Variants in MAP4 observed in about 807,000 individuals in gnomAD.
MAP4 encodes the protein microtubule-associated protein 4.
A neutral mutation model predicts 170.2 loss-of-function variants in MAP4; 76 were observed. That is an observed-to-expected ratio of 0.45 (90% CI 0.37 to 0.54). The LOEUF (loss-of-function observed/expected upper bound fraction) is 0.54. MAP4 is among the 20% of genes least tolerant of loss of function. MAP4 has a pLI of 0.00. For missense variants in MAP4, 2,506 were observed against 2,748.0 expected, an observed-to-expected ratio of 0.91 and a Z score of 1.97; for synonymous variants, 909 against 994.5, an observed-to-expected ratio of 0.91 and a Z score of 1.62.
At chr3:48,001,049 C>A (rs1178921927) in intron 1 of MAP4, among the ~76,000 whole-genome samples, 5 of 152,172 alleles carry the variant, frequency 3.3e-5, no homozygotes, top group Non-Finnish European at 5.9e-5. Flanking sequence ...ACCCCCAATT[C>A]CCAAATCCAA....
At chr3:47,997,888 GA>G (rs2100096822) in intron 2 of MAP4, among the ~76,000 whole-genome samples, 1 of 152,090 alleles carries the variant, frequency 6.6e-6, no homozygotes, top group Admixed American at 6.6e-5. Flanking sequence ...GCTAACTTAA[GA>G]AACAGATAAC....
chr3:48,041,946 C>T (rs1167324402), intron 1 of MAP4, among the ~76,000 whole-genome samples: 2 of 152,172 alleles, frequency 1.3e-5, no homozygotes, highest in Non-Finnish European at 2.9e-5. Context: ...ACCCGAATTC[C>T]ACCAGGAGAG....
At chr3:47,900,676 C>T (rs1450096243) in intron 10 of MAP4, among the ~76,000 whole-genome samples, 1 of 152,106 alleles carries the variant, frequency 6.6e-6, no homozygotes, top group African/African-American at 2.4e-5. Context: ...GTGGAGATTA[C>T]AGTGAGCCGA....
chr3:47,887,666 G>C (rs919970264), intron 10 of MAP4, among the ~76,000 whole-genome samples: 2 of 152,270 alleles, frequency 1.3e-5, no homozygotes, highest in African/African-American at 4.8e-5. Flanking sequence ...AACCCAGCTG[G>C]GCTCCTGAGT....
intron 3 of MAP4, among the ~76,000 whole-genome samples, chr3:47,941,596 T>C (rs955733187): frequency 7.0e-6 from 1 of 142,150 alleles, no homozygotes; most frequent in Non-Finnish European, 1.5e-5. Flanking sequence ...GCTAACATAG[T>C]AAAACACAGT....
chr3:48,054,841 A>C (rs2100129885), intron 1 of MAP4, among the ~76,000 whole-genome samples: 1 of 151,902 alleles, frequency 6.6e-6, no homozygotes, highest in East Asian at 1.9e-4. Context: ...GCCCCAACAA[A>C]AGTCAGTCTT....
In MAP4 at chr3:47,916,307, G is replaced by A. The variant is rs2100039019; in HGVS notation, c.1520C>T (p.Ser507Phe). 6 of 1,614,202 alleles carry A rather than the reference G, an allele frequency of 3.7e-6. No homozygotes were observed. Among genetic ancestry groups the A allele is most frequent in the Non-Finnish European group, 4.2e-6 (5 of 1,180,054 alleles). The change falls in exon 7 of 21, where the codon TCT becomes TTT. Residue 507 changes from serine (S) to phenylalanine (F), a missense_variant. Ser to Phe is a radical substitution (Grantham distance 155). Transcript: ENST00000683076. ...VKEVGLLKDM[S>F]PLSETEMALG... ...AGCCATTTCTGTTTCTGATAGTGGA[G>A]ACATGTCCTTCAACAAGCCCACTTC...
At chr3:47,884,810 T>A (rs1032009002) in intron 10 of MAP4, among the ~76,000 whole-genome samples, 1 of 152,062 alleles carries the variant, frequency 6.6e-6, no homozygotes, top group African/African-American at 2.4e-5. Context: ...GGGAAGGAAG[T>A]AGAGGTTCTG....
At chr3:48,009,292 G>C (rs933249134) in intron 1 of MAP4, among the ~76,000 whole-genome samples, 1 of 152,104 alleles carries the variant, frequency 6.6e-6, no homozygotes, top group Non-Finnish European at 1.5e-5. Context: ...GTAGAGACAG[G>C]GTTTCACCAT....
At chr3:48,073,318 T>C (rs1298857751) in intron 1 of MAP4, among the ~76,000 whole-genome samples, 4 of 140,570 alleles carry the variant, frequency 2.8e-5, no homozygotes, top group Non-Finnish European at 6.1e-5. Flanking sequence ...TTAGCATTAG[T>C]AAACAAGTTC....
intron 1 of MAP4, among the ~76,000 whole-genome samples, chr3:48,059,989 T>G (rs952411652): frequency 1.4e-5 from 2 of 143,256 alleles, no homozygotes; most frequent in Admixed American, 1.4e-4. Flanking sequence ...AAAAAAAAAC[T>G]TTTGAACATC....
At chr3:48,051,733 A>G (rs780080772) in intron 1 of MAP4, among the ~76,000 whole-genome samples, 4 of 152,200 alleles carry the variant, frequency 2.6e-5, no homozygotes, top group Non-Finnish European at 5.9e-5. Context: ...ACTAGGGTTC[A>G]TGGCTCCCAG....
At chr3:47,991,956 C>T (rs955446135) in intron 2 of MAP4, among the ~76,000 whole-genome samples, 5 of 151,878 alleles carry the variant, frequency 3.3e-5, no homozygotes, top group Admixed American at 2.6e-4. Flanking sequence ...TAGGCGTGAA[C>T]CACCGCGCCC....
At chr3:48,023,310 ACT>A (rs1421044399) in intron 1 of MAP4, among the ~76,000 whole-genome samples, 4 of 152,204 alleles carry the variant, frequency 2.6e-5, no homozygotes, top group Admixed American at 6.5e-5. Context: ...GAATTAGAAC[ACT>A]CTCATCAAAC....
chr3:48,010,255 AGGTAGTCATC>A (rs1445934665), intron 1 of MAP4, among the ~76,000 whole-genome samples: 2 of 152,218 alleles, frequency 1.3e-5, no homozygotes, highest in Non-Finnish European at 2.9e-5. Flanking sequence ...GGGTAGAAGA[AGGTAGTCATC>A]AATACCAGCT....
At chr3:47,856,957 C>T (rs1157708336) in intron 18 of MAP4, among the ~76,000 whole-genome samples, 1 of 152,254 alleles carries the variant, frequency 6.6e-6, no homozygotes, top group Non-Finnish European at 1.5e-5. Flanking sequence ...TGGAAGGAAA[C>T]TGCATTAGTG....
chr3:48,037,586 G>A (rs774394825), intron 1 of MAP4, among the ~76,000 whole-genome samples: 2 of 151,908 alleles, frequency 1.3e-5, no homozygotes, highest in Non-Finnish European at 2.9e-5. Flanking sequence ...GTAGAGACAG[G>A]GCTTCTCCAT....
At chr3:48,065,676 T>C (rs2100137979) in intron 1 of MAP4, among the ~76,000 whole-genome samples, 1 of 152,234 alleles carries the variant, frequency 6.6e-6, no homozygotes, top group East Asian at 1.9e-4. Context: ...TGCACTGGCA[T>C]CTTAGTTTCT....
intron 3 of MAP4, among the ~76,000 whole-genome samples, chr3:47,953,572 A>T (rs1277911790): frequency 6.6e-6 from 1 of 152,196 alleles, no homozygotes. Flanking sequence ...ATGTTTAATG[A>T]GGTGGAGATG....
Sources: allele counts gnomAD v4.1 joint callset (sites outside exome capture counted in the v4.1 genomes callset), GRCh38; gene constraint gnomAD v4.1.1; transcripts MANE v1.5; gene names NCBI Gene and HGNC (gene_info 2026-07-23, HGNC 2026-07-21).